The following ZGRF1 variants were observed in gnomAD, a reference collection of about 807,000 sequenced individuals.
The protein encoded by ZGRF1 is 5'-3' DNA helicase ZGRF1.
In ZGRF1, 196 loss-of-function variants were observed where a neutral mutation model predicts 203.5. The ratio of observed to expected loss-of-function variants is 0.96; its 90% CI spans 0.86 to 1.08. The LOEUF is 1.08. ZGRF1 is among the 50% of genes least tolerant of loss of function. ZGRF1 has a pLI of 0.00. For synonymous variants in ZGRF1, 809 were observed against 841.3 expected (o/e 0.96, Z 0.66); for missense variants, 2,326 against 2,416.3 (o/e 0.96, Z 0.78).
intron 1 of ZGRF1, among the ~76,000 whole-genome samples, chr4:112,635,129 C>CAAAAAAAAAAAAAA (rs34823978): frequency 1.1e-5 from 1 of 89,114 alleles, no homozygotes; most frequent in Non-Finnish European, 2.3e-5. Context: ...GACTCCATCT[C>CAAAAAAAAAAAAAA]AAAAAAAAAA....
At position 112,620,161 on chromosome 4, in the gene ZGRF1, A is replaced by G; in HGVS notation, c.192T>C (p.Asp64=). The change falls in exon 5 of 28, where the codon GAT becomes GAC. Residue 64 remains aspartate, a synonymous_variant. Coordinates refer to ENST00000505019, the MANE Select transcript of ZGRF1 (RefSeq NM_018392.5). ...EVKPGDDLES[D]RYLITVEEVK... ...CCTCTTCAACTGTGATTAAGTATCG[A>G]TCACTTTCTAAGTCATCTCCAGGTT... 6.2e-7 allele frequency: 1 copy of G among 1,607,592 alleles called. No individual in the cohort carries two copies. Among genetic ancestry groups the G allele is most frequent in the Non-Finnish European group, 8.5e-7 (1 of 1,178,154 alleles).
chr4:112,575,035 A>T (rs1560787241), intron 16 of ZGRF1, among the ~76,000 whole-genome samples: 1 of 151,994 alleles, frequency 6.6e-6, no homozygotes, highest in African/African-American at 2.4e-5. Flanking sequence ...CAGGAAAAAA[A>T]AAAACAAGCA....
At chr4:112,578,449 C>T (rs1450473217) in intron 16 of ZGRF1, among the ~76,000 whole-genome samples, 1 of 110,802 alleles carries the variant, frequency 9.0e-6, no homozygotes, top group Non-Finnish European at 2.1e-5. Context: ...AATAGAGACA[C>T]AAAAAACCCT....
chr4:112,585,723 G>C lies in ZGRF1; in HGVS notation c.3919C>G (p.His1307Asp). 2 of 1,414,854 alleles carry C rather than the reference G, an allele frequency of 1.4e-6. No individual in the cohort carries two copies. The highest frequency in any genetic ancestry group is 2.7e-5 in the Admixed American group (1 of 36,960). The allele number at this position is 1,414,854 out of a possible 1,614,324, so 87.6% of individuals were successfully genotyped here. The change falls in exon 14 of 28, where the codon CAT becomes GAT. Residue 1307 changes from histidine (H) to aspartate (D), a missense_variant and splice_region_variant. Coordinates refer to ENST00000505019, the MANE Select transcript of ZGRF1 (RefSeq NM_018392.5). Reference sequence around the variant, plus strand: ...AACCCAAACAGCAATATATTTAGATGTTCTACAAAAAAAAAAAAAAGAGAG... The same window carrying C: ...AACCCAAACAGCAATATATTTAGATCTTCTACAAAAAAAAAAAAAAGAGAG... Reference protein sequence around the residue: ...KQTFTSCLIEHLNILLFGLAQ... With the variant: ...KQTFTSCLIEDLNILLFGLAQ...
intron 25 of ZGRF1, 54 bp from the exon 26 acceptor site, chr4:112,541,009 C>A (rs541360909): frequency 3.9e-6 from 6 of 1,548,394 alleles, no homozygotes; most frequent in East Asian, 2.4e-5. Flanking sequence ...TATGGAAAAA[C>A]CAAGTAAAAT....
chr4:112,600,361 G>A lies in ZGRF1; in HGVS notation c.2976+3163C>T, dbSNP rs112824573. On this transcript the variant is annotated intron_variant, in intron 10 of 27. Transcript: ENST00000505019. ...GAAAGATTTCTTAAGATACAAAAGC[G>A]CTAATCGTAAAGGAAACAGCAAATA... 5.4e-3 allele frequency among the ~76,000 whole-genome samples: 829 copies of A among 152,116 alleles called. 9 individuals carry two copies. Among genetic ancestry groups the A allele is most frequent in the African/African-American group, 0.019 (788 of 41,494 alleles).
chr4:112,626,816 C>T (rs559526700), intron 3 of ZGRF1, among the ~76,000 whole-genome samples: 14 of 150,406 alleles, frequency 9.3e-5, no homozygotes, highest in Non-Finnish European at 1.0e-4. Flanking sequence ...ATTTATTTTT[C>T]TTTTTTTGAG....
chr4:112,582,565 C>T lies in ZGRF1; in HGVS notation c.4299-763G>A, dbSNP rs371058386. On this transcript the variant is annotated intron_variant, in intron 15 of 27. Transcript: ENST00000505019. ...CCTCCTTGGGCTCAAGCCATCCTCC[C>T]GTCTCAGCCTCCCAAGTAGCTGGGA... 1.9e-4 allele frequency among the ~76,000 whole-genome samples: 29 copies of T among 152,158 alleles called. No individual in the cohort carries two copies. The East Asian group carries it at 5.6e-3, about 29-fold the overall frequency.
At chr4:112,581,536 C>T (rs1413616682) in intron 16 of ZGRF1, 127 bp downstream of exon 16, 1 of 377,428 alleles carries the variant, frequency 2.6e-6, no homozygotes, top group Admixed American at 4.8e-5. Flanking sequence ...GTTTATAATA[C>T]ATATTACTAT....
chr4:112,562,614 A>T (rs1553983913), intron 17 of ZGRF1, 129 bp from the exon 18 acceptor site: 1 of 611,986 alleles, frequency 1.6e-6, no homozygotes, highest in Non-Finnish European at 2.9e-6. Flanking sequence ...CAAACCCTTA[A>T]ACACACACAG....
intron 16 of ZGRF1, among the ~76,000 whole-genome samples, chr4:112,573,821 A>G (rs1368924822): frequency 6.6e-6 from 1 of 152,200 alleles, no homozygotes; most frequent in Non-Finnish European, 1.5e-5. Flanking sequence ...AATATGAAGA[A>G]TACATAAAGA....
In ZGRF1 at chr4:112,553,991, T is replaced by C; in HGVS notation, c.5199-9A>G. 6.2e-7 allele frequency: 1 copy of C among 1,601,212 alleles called. No individual in the cohort carries two copies. Among genetic ancestry groups the C allele is most frequent in the Non-Finnish European group, 8.5e-7 (1 of 1,176,460 alleles). On this transcript the variant is annotated splice_polypyrimidine_tract_variant and intron_variant, in intron 21 of 27. Coordinates refer to ENST00000505019, the MANE Select transcript of ZGRF1 (RefSeq NM_018392.5). ...CTGAGCCAGCATGCAAGCTAAAGAA[T>C]TATATTAAAACACTCCTCTTTATTC...
At chr4:112,605,205 G>A (rs1404329917) in intron 9 of ZGRF1, among the ~76,000 whole-genome samples, 6 of 151,710 alleles carry the variant, frequency 4.0e-5, no homozygotes, top group Non-Finnish European at 7.4e-5. Context: ...CTGTCACCCA[G>A]GCTGGAGTGC....
chr4:112,563,909 T>C (rs971557559), intron 16 of ZGRF1, among the ~76,000 whole-genome samples: 1 of 152,116 alleles, frequency 6.6e-6, no homozygotes, highest in Non-Finnish European at 1.5e-5. Flanking sequence ...AGGCCACTAA[T>C]CCCATGCAGG....
At chr4:112,563,309 CAT>C (rs1742359158) in intron 16 of ZGRF1, 35 bp from the exon 17 acceptor site, 1 of 1,474,218 alleles carries the variant, frequency 6.8e-7, no homozygotes. Flanking sequence ...ATTACACAGA[CAT>C]ATACAGTATG....
Position 112,619,599 on chromosome 4 carries a change from G to C in ZGRF1, c.443C>G (p.Pro148Arg), listed in dbSNP as rs200111452. ...GCTGCAGAATGGAGAAAAAATAGTA[G>C]GGCCAGTTTTCTTAGCCTCATGTGA... ...AASHEAKKTG[P>R]TIFSPFCSMP... Residue 148 changes from proline (P) to arginine (R), a missense_variant, in exon 6 of 28, where the codon CCT becomes CGT. By Grantham distance (103) the Pro-to-Arg change is moderately radical. Coordinates refer to ENST00000505019, the MANE Select transcript of ZGRF1 (RefSeq NM_018392.5). 229 of 1,613,752 alleles carry C rather than the reference G, an allele frequency of 1.4e-4. No homozygotes were observed. The highest frequency in any genetic ancestry group is 1.8e-4 in the Non-Finnish European group (213 of 1,179,906).
Position 112,586,499 on chromosome 4 carries a change from C to G in ZGRF1, c.3862G>C (p.Ala1288Pro). ...TAATGAGCAGGAGACTGAAAAACAGCTGGTATGTGAATTTGCCTTTGGGGA... is the reference window on the plus strand; with the variant it reads ...TAATGAGCAGGAGACTGAAAAACAGGTGGTATGTGAATTTGCCTTTGGGGA... ...YLPQRQIHIP[A>P]VFQSPAHYKQ... The change falls in exon 13 of 28, where the codon GCT becomes CCT. Residue 1288 changes from alanine (A) to proline (P), a missense_variant. Physicochemically the swap from Ala to Pro is conservative, Grantham distance 27 (BLOSUM62 -1). Coordinates refer to ENST00000505019, the MANE Select transcript of ZGRF1 (RefSeq NM_018392.5). The G allele has an allele frequency of 6.8e-6, 11 of 1,613,168 alleles. No homozygotes were observed. The highest frequency in any genetic ancestry group is 9.3e-6 in the Non-Finnish European group (11 of 1,179,480).
chr4:112,602,198 T>C (rs1232741772), intron 10 of ZGRF1, among the ~76,000 whole-genome samples: 6 of 150,924 alleles, frequency 4.0e-5, no homozygotes, highest in Admixed American at 4.0e-4. Flanking sequence ...AGCAAAACTC[T>C]GTCTCAAAAA....
intron 15 of ZGRF1, among the ~76,000 whole-genome samples, chr4:112,582,799 A>C (rs2148999700): frequency 6.6e-6 from 1 of 152,302 alleles, no homozygotes; most frequent in Middle Eastern, 3.4e-3. Context: ...CAGTTGCTGC[A>C]AATGACAAGA....
Sources: gnomAD v4.1 joint callset for allele counts (sites outside exome capture counted in the v4.1 genomes callset) on GRCh38, gnomAD v4.1.1 for gene constraint, MANE v1.5 for transcripts, NCBI Gene and HGNC (gene_info 2026-07-23, HGNC 2026-07-21) for gene names.